The following NPAS2 variants were observed in gnomAD, a reference collection of about 807,000 sequenced individuals.
The protein encoded by NPAS2 is neuronal PAS domain protein 2, also known as neuronal PAS domain-containing protein 2.
Under a neutral mutation model 107.5 loss-of-function variants are expected in NPAS2, and 23 were observed. That is an observed-to-expected ratio of 0.21 (90% CI 0.15 to 0.30). NPAS2 has a LOEUF of 0.30. NPAS2 is among the 10% of genes least tolerant of loss of function. The pLI, the probability that NPAS2 is intolerant of heterozygous loss-of-function variation, is 1.00. For missense variants in NPAS2, 756 were observed against 1,043.3 expected (o/e 0.72, Z 3.79); for synonymous variants, 403 against 417.5 (o/e 0.97, Z 0.42).
intron 1 of NPAS2, among the ~76,000 whole-genome samples, chr2:100,843,823 C>G (rs1243733135): frequency 2.0e-5 from 3 of 152,080 alleles, no homozygotes; most frequent in African/African-American, 7.2e-5. Flanking sequence ...AATTCCTTTT[C>G]AGAGTGTCCT....
intron 1 of NPAS2, among the ~76,000 whole-genome samples, chr2:100,835,496 G>T (rs755247387): frequency 6.6e-6 from 1 of 152,168 alleles, no homozygotes; most frequent in African/African-American, 2.4e-5. Context: ...AGGAGGCTGC[G>T]TGTGAAAGGG....
intron 7 of NPAS2, 72 bp from the exon 8 acceptor site, chr2:100,963,986 G>C (rs1166227523): frequency 1.7e-5 from 15 of 907,668 alleles, no homozygotes; most frequent in Non-Finnish European, 2.7e-5. Flanking sequence ...TTACAGTTAA[G>C]TGCCAACTAG....
At position 100,955,277 on chromosome 2, in the gene NPAS2, C is replaced by T. The variant is rs186391975; in HGVS notation, c.598+5797C>T. 7.0e-4 allele frequency among the ~76,000 whole-genome samples: 106 copies of T among 152,246 alleles called. 1 individual carries two copies. The highest frequency in any genetic ancestry group is 6.2e-3 in the Admixed American group (95 of 15,280). On this transcript the variant is annotated intron_variant, in intron 7 of 20. Coordinates refer to ENST00000335681, the MANE Select transcript of NPAS2 (RefSeq NM_002518.4). ...TTACATGGTACATTCTTATTTGATG[C>T]CTGTCCTTTTTATATATATGTATAA... is the stretch of plus-strand genomic sequence containing the variant.
At chr2:100,898,811 A>C (rs1030727846) in intron 1 of NPAS2, among the ~76,000 whole-genome samples, 3 of 151,448 alleles carry the variant, frequency 2.0e-5, no homozygotes, top group African/African-American at 7.3e-5. Flanking sequence ...CAAACCTGAA[A>C]GTTGAAGGAA....
In NPAS2 at chr2:100,820,986, C is replaced by G. The variant is rs1393693381; in HGVS notation, c.-23+572C>G. 19 of 1,265,762 alleles carry G rather than the reference C, an allele frequency of 1.5e-5. No homozygotes were observed. The highest frequency in any genetic ancestry group is 2.0e-5 in the Non-Finnish European group (19 of 964,834). 78.4% of individuals were successfully genotyped at this position (1,265,762 alleles called of 1,614,324 possible). A position where few individuals can be genotyped will look rare whatever the true frequency, so the allele number is the denominator to read the frequency against. ...GCGTGCAGCCTGGCTCCTCACGTCGCTGCCGCCCCCCCACCCCAACTCCGG... is the reference window on the plus strand; with the variant it reads ...GCGTGCAGCCTGGCTCCTCACGTCGGTGCCGCCCCCCCACCCCAACTCCGG... On this transcript the variant is annotated intron_variant, in intron 1 of 20. Transcript: ENST00000335681. The surrounding 1 kb of genome is among the most constrained non-coding windows in gnomAD (Gnocchi z 5.6).
At chr2:100,892,977 C>A (rs147103357) in intron 1 of NPAS2, among the ~76,000 whole-genome samples, 10,251 of 152,168 alleles carry the variant, frequency 0.067, 760 homozygotes, top group East Asian at 0.35. Context: ...CTCAGCCTCC[C>A]AAAGTGCTGG....
At chr2:100,990,578 G>A (rs1388016123) in intron 18 of NPAS2, 132 bp downstream of exon 18, 2 of 1,101,174 alleles carry the variant, frequency 1.8e-6, no homozygotes, top group Non-Finnish European at 2.6e-6. Context: ...TCTCAGCTAA[G>A]GAAGCAGAGG....
chr2:100,946,200 A>C (rs1157759833), intron 5 of NPAS2, among the ~76,000 whole-genome samples: 1 of 152,170 alleles, frequency 6.6e-6, no homozygotes, highest in African/African-American at 2.4e-5. Flanking sequence ...TGGAACCTTC[A>C]TGGTTTCCTC....
intron 1 of NPAS2, among the ~76,000 whole-genome samples, chr2:100,860,324 G>A (rs1226039117): frequency 2.6e-5 from 4 of 152,194 alleles, no homozygotes; most frequent in Non-Finnish European, 5.9e-5. Flanking sequence ...GTGATGCAGT[G>A]TATCAGACGA....
intron 12 of NPAS2, among the ~76,000 whole-genome samples, chr2:100,971,508 G>A (rs1252348742): frequency 6.6e-6 from 1 of 152,098 alleles, no homozygotes; most frequent in Non-Finnish European, 1.5e-5. Context: ...TTTGCTTGAG[G>A]GCCGTGGCAC....
chr2:100,929,740 G>C (rs1227953119), intron 3 of NPAS2, among the ~76,000 whole-genome samples: 1 of 152,162 alleles, frequency 6.6e-6, no homozygotes, highest in Non-Finnish European at 1.5e-5. Flanking sequence ...CAGATGGCTA[G>C]GTAAGGCCCA....
intron 2 of NPAS2, among the ~76,000 whole-genome samples, chr2:100,905,321 G>T (rs1193162089): frequency 1.3e-5 from 2 of 151,946 alleles, no homozygotes; most frequent in Non-Finnish European, 2.9e-5. Context: ...TTGCGCTGTG[G>T]TTGGGTCAAC....
intron 1 of NPAS2, among the ~76,000 whole-genome samples, chr2:100,871,969 C>T (rs1679616833): frequency 6.6e-6 from 1 of 152,198 alleles, no homozygotes; most frequent in Non-Finnish European, 1.5e-5. Context: ...TCCATTTACA[C>T]ATTCAGTCCA....
At chr2:100,940,992 A>T (rs531613617) in intron 5 of NPAS2, among the ~76,000 whole-genome samples, 1 of 152,302 alleles carries the variant, frequency 6.6e-6, no homozygotes, top group East Asian at 1.9e-4. Flanking sequence ...GGCCAAGCAC[A>T]GGCTGGCCTG....
intron 1 of NPAS2, among the ~76,000 whole-genome samples, chr2:100,833,080 G>T (rs1303084484): frequency 6.6e-6 from 1 of 152,150 alleles, no homozygotes; most frequent in African/African-American, 2.4e-5. Context: ...CCTGCACCGT[G>T]GGTGTGCCAG....
chr2:100,962,076 C>T (rs1230360410), intron 7 of NPAS2, among the ~76,000 whole-genome samples: 1 of 151,980 alleles, frequency 6.6e-6, no homozygotes, highest in East Asian at 1.9e-4. Context: ...GTTTTCCTTC[C>T]CTTTGATAAG....
intron 1 of NPAS2, among the ~76,000 whole-genome samples, chr2:100,825,473 A>T (rs1676316769): frequency 6.6e-6 from 1 of 152,256 alleles, no homozygotes; most frequent in Non-Finnish European, 1.5e-5. Context: ...AATAGCACAG[A>T]ACCATTTCTA....
chr2:100,843,156 T>C (rs1157324159), intron 1 of NPAS2, among the ~76,000 whole-genome samples: 1 of 151,210 alleles, frequency 6.6e-6, no homozygotes, highest in Non-Finnish European at 1.5e-5. Context: ...GAGGCGGAGG[T>C]TGCAGTGAGC....
intron 2 of NPAS2, among the ~76,000 whole-genome samples, chr2:100,919,387 C>G (rs528320608): frequency 6.6e-6 from 1 of 152,084 alleles, no homozygotes; most frequent in Non-Finnish European, 1.5e-5. Context: ...AAAACAAAAA[C>G]AAAAACAAAA....
Sources: gnomAD v4.1 joint callset for allele counts (sites outside exome capture counted in the v4.1 genomes callset) on GRCh38, gnomAD v4.1.1 for gene constraint, Gnocchi (gnomAD v3.1) non-coding constraint, MANE v1.5 for transcripts, NCBI Gene and HGNC (gene_info 2026-07-23, HGNC 2026-07-21) for gene names.